The following TNFRSF13B variants were observed in gnomAD, a reference collection of about 807,000 sequenced individuals.
TNFRSF13B encodes TNF receptor superfamily member 13B.
A neutral mutation model predicts 24.0 loss-of-function variants in TNFRSF13B; 34 were observed. The ratio of observed to expected loss-of-function variants is 1.41; its 90% CI spans 1.08 to 1.88. TNFRSF13B has a LOEUF of 1.88. Among genes scored for constraint, TNFRSF13B ranks in the 40% most tolerant of loss-of-function variants. The pLI is 0.00. For synonymous variants in TNFRSF13B, 173 were observed against 150.3 expected, an observed-to-expected ratio of 1.15 and a Z score of -1.10; for missense variants, 415 against 380.8, an observed-to-expected ratio of 1.09 and a Z score of -0.75.
intron 2 of TNFRSF13B, among the ~76,000 whole-genome samples, chr17:16,951,125 A>G (rs2087585660): frequency 1.3e-5 from 2 of 152,212 alleles, no homozygotes; most frequent in South Asian, 4.1e-4. Flanking sequence ...GGTTCAGGTC[A>G]TGATTTAGGA....
intron 1 of TNFRSF13B, among the ~76,000 whole-genome samples, chr17:16,964,425 C>T (rs2087685508): frequency 6.9e-6 from 1 of 144,622 alleles, no homozygotes; most frequent in South Asian, 2.3e-4. Flanking sequence ...TCACTGCAAC[C>T]TCTGCCTTCC....
chr17:16,948,401 G>A (rs1216039324), intron 3 of TNFRSF13B, among the ~76,000 whole-genome samples: 1 of 152,194 alleles, frequency 6.6e-6, no homozygotes, highest in East Asian at 1.9e-4. Context: ...AGCACTGGTG[G>A]AGGGCAGGTG....
chr17:16,944,861 G>A (rs977709729), intron 3 of TNFRSF13B, among the ~76,000 whole-genome samples: 1 of 152,162 alleles, frequency 6.6e-6, no homozygotes, highest in Non-Finnish European at 1.5e-5. Flanking sequence ...GAAGGGGGCA[G>A]AGAACAGGTG....
At chr17:16,949,767 C>A (rs893206723) in intron 2 of TNFRSF13B, among the ~76,000 whole-genome samples, 8 of 151,598 alleles carry the variant, frequency 5.3e-5, no homozygotes, top group East Asian at 1.9e-4. Flanking sequence ...CTCACTGCAA[C>A]CTCTGCCTCC....
rs1414950978 is a variant in TNFRSF13B at position 16,954,360 on chromosome 17, G to A, written c.62-1777C>T. On this transcript the variant is annotated intron_variant, in intron 1 of 4. Coordinates refer to ENST00000261652, the MANE Select transcript of TNFRSF13B (RefSeq NM_012452.3). ...GACCACATCACTGCACTCCAGCCTGGATAACAGAGTGAGACCCAGTCTCTA... is the reference window on the plus strand; with the variant it reads ...GACCACATCACTGCACTCCAGCCTGAATAACAGAGTGAGACCCAGTCTCTA... 3.3e-5 allele frequency among the ~76,000 whole-genome samples: 5 copies of A among 152,284 alleles called. No homozygotes were observed. In the East Asian group the frequency reaches 5.8e-4, roughly 18 times the overall value.
In TNFRSF13B at chr17:16,954,150, T is replaced by G. The variant is rs144431524; in HGVS notation, c.62-1567A>C. Among the ~76,000 whole-genome samples the G allele has an allele frequency of 3.9e-5, 6 of 152,250 alleles. No individual in the cohort carries two copies. In the East Asian group the frequency reaches 1.2e-3, roughly 29 times the overall value. On this transcript the variant is annotated intron_variant, in intron 1 of 4. Transcript: ENST00000261652. Reference sequence around the variant, plus strand: ...TGGCTCATGCCTGTAATCCGAGCATTTTGGGAGGTAGAGGTGGGAGGATTT... The same window carrying G: ...TGGCTCATGCCTGTAATCCGAGCATGTTGGGAGGTAGAGGTGGGAGGATTT...
chr17:16,969,389 C>T (rs1001122728), intron 1 of TNFRSF13B, among the ~76,000 whole-genome samples: 1 of 152,226 alleles, frequency 6.6e-6, no homozygotes, highest in Admixed American at 6.5e-5. Context: ...GAAGCAAGTA[C>T]TGATACCTGC....
chr17:16,960,890 C>A (rs982017771), intron 1 of TNFRSF13B, among the ~76,000 whole-genome samples: 7 of 152,050 alleles, frequency 4.6e-5, no homozygotes, highest in African/African-American at 1.4e-4. Context: ...ATAAAGAACT[C>A]CTAAAACTCA....
chr17:16,948,195 G>A (rs910690019), intron 3 of TNFRSF13B, among the ~76,000 whole-genome samples: 1 of 152,234 alleles, frequency 6.6e-6, no homozygotes, highest in Non-Finnish European at 1.5e-5. Context: ...GAAGGGGGAG[G>A]CAGAGAGAGA....
At chr17:16,964,307 T>C (rs2087684124) in intron 1 of TNFRSF13B, among the ~76,000 whole-genome samples, 1 of 151,522 alleles carries the variant, frequency 6.6e-6, no homozygotes, top group Non-Finnish European at 1.5e-5. Flanking sequence ...TTCAGAGATG[T>C]TCAAGGTTGA....
rs72553874 is a variant in TNFRSF13B, at chr17:16,952,527, A to G, written c.118T>C (p.Trp40Arg). Residue 40 changes from tryptophan to arginine, a missense_variant, in exon 2 of 5, where the codon TGG (tryptophan) becomes CGG (arginine). Physicochemically the swap from Trp to Arg is moderately radical, Grantham distance 101. Coordinates refer to ENST00000261652, the MANE Select transcript of TNFRSF13B (RefSeq NM_012452.3). ...ATGCAGGTACCCAGCAGAGGATCCCAGTACTGCTCTTCGGGGCAGGATCTC... is the reference window on the plus strand; with the variant it reads ...ATGCAGGTACCCAGCAGAGGATCCCGGTACTGCTCTTCGGGGCAGGATCTC... ...AMRSCPEEQY[W>R]DPLLGTCMSC... is the part of the protein sequence containing the mutation. The G allele has an allele frequency of 2.7e-5, 44 of 1,614,222 alleles. No homozygotes were observed. The Admixed American group carries it at 3.2e-4, about 12-fold the overall frequency.
chr17:16,950,617 A>G (rs1051111890), intron 2 of TNFRSF13B, among the ~76,000 whole-genome samples: 1 of 152,092 alleles, frequency 6.6e-6, no homozygotes, highest in African/African-American at 2.4e-5. Context: ...TCTGCATCAC[A>G]CAGGGTTAGC....
At chr17:16,968,949 G>C (rs1323441173) in intron 1 of TNFRSF13B, among the ~76,000 whole-genome samples, 1 of 152,206 alleles carries the variant, frequency 6.6e-6, no homozygotes, top group Non-Finnish European at 1.5e-5. Context: ...ATGAAAAGAT[G>C]CTTAACATCA....
At chr17:16,941,093 A>G (rs1011508150) in intron 3 of TNFRSF13B, 1 of 589,066 alleles carries the variant, frequency 1.7e-6, no homozygotes, top group Non-Finnish European at 2.2e-6. Context: ...TATAGATGCC[A>G]TGTAGAAGGG....
intron 3 of TNFRSF13B, among the ~76,000 whole-genome samples, chr17:16,945,436 C>T (rs4561508): frequency 0.12 from 18,876 of 152,266 alleles, 1,355 homozygotes; most frequent in East Asian, 0.4. Context: ...TTTGGAACCC[C>T]CAGACTGTGC....
At chr17:16,954,216 G>A (rs976107527) in intron 1 of TNFRSF13B, among the ~76,000 whole-genome samples, 11 of 152,198 alleles carry the variant, frequency 7.2e-5, no homozygotes, top group African/African-American at 2.7e-4. Context: ...GAAACATAGT[G>A]AGATCCTGTC....
In TNFRSF13B at chr17:16,950,386, C is replaced by T. The variant is rs142440071; in HGVS notation, c.200-1403G>A. ...GTGCCTGGCACATACTAAATGCTCA[C>T]GTAATGGAAAGCTTAAGTAGAATAT... On this transcript the variant is annotated intron_variant, in intron 2 of 4. Coordinates refer to ENST00000261652, the MANE Select transcript of TNFRSF13B (RefSeq NM_012452.3). Among the ~76,000 whole-genome samples, 29 of 152,304 alleles carry T rather than the reference C, an allele frequency of 1.9e-4. No individual in the cohort carries two copies. In the East Asian group the frequency reaches 5.2e-3, roughly 27 times the overall value.
chr17:16,961,973 A>G (rs1025618068), intron 1 of TNFRSF13B, among the ~76,000 whole-genome samples: 1 of 152,212 alleles, frequency 6.6e-6, no homozygotes, highest in Non-Finnish European at 1.5e-5. Flanking sequence ...AGAGAGGAAG[A>G]TGGACATTCT....
chr17:16,941,999 G>A (rs1567650295), intron 3 of TNFRSF13B, among the ~76,000 whole-genome samples: 1 of 152,208 alleles, frequency 6.6e-6, no homozygotes, highest in African/African-American at 2.4e-5. Context: ...GCATTCAACA[G>A]GGAATGGGCA....
Sources: gnomAD v4.1 joint callset for allele counts (sites outside exome capture counted in the v4.1 genomes callset) on GRCh38, gnomAD v4.1.1 for gene constraint, MANE v1.5 for transcripts, NCBI Gene and HGNC (gene_info 2026-07-23, HGNC 2026-07-21) for gene names.